The following BABAM2 variants were observed in gnomAD, a reference collection of about 807,000 sequenced individuals.
BABAM2 encodes BRISC and BRCA1 A complex member 2, also known as BRISC and BRCA1-A complex member 2.
Under a neutral mutation model 54.7 loss-of-function variants are expected in BABAM2, and 31 were observed. The ratio of observed to expected loss-of-function variants is 0.57; its 90% CI spans 0.43 to 0.77. The LOEUF (loss-of-function observed/expected upper bound fraction) is 0.77, where lower values mean the gene tolerates loss of function less well. BABAM2 is among the 30% of genes least tolerant of loss of function. The probability of loss-of-function intolerance (pLI) is 0.00; values close to 1 mark genes in which losing one functional copy is unlikely to be tolerated. For missense variants in BABAM2, 364 were observed against 455.8 expected, an observed-to-expected ratio of 0.80 and a Z score of 1.83; for synonymous variants, 167 against 162.9, an observed-to-expected ratio of 1.03 and a Z score of -0.19.
At chr2:28,090,633 G>A (rs558306482) in intron 6 of BABAM2, among the ~76,000 whole-genome samples, 1 of 152,258 alleles carries the variant, frequency 6.6e-6, no homozygotes, top group South Asian at 2.1e-4. Flanking sequence ...ACATAGGTAT[G>A]CTTCTAGCTT....
At chr2:28,026,119 T>A (rs1212456708) in intron 5 of BABAM2, among the ~76,000 whole-genome samples, 1 of 152,130 alleles carries the variant, frequency 6.6e-6, no homozygotes, top group African/African-American at 2.4e-5. Context: ...TAGGAATGCT[T>A]TTACACTGTT....
In BABAM2 at chr2:28,322,483, C is replaced by T. The variant is rs1690103323; in HGVS notation, c.1089-15967C>T. Among the ~76,000 whole-genome samples the T allele has an allele frequency of 6.6e-6, 1 of 152,248 alleles. No individual in the cohort carries two copies. Among genetic ancestry groups the T allele is most frequent in the East Asian group, 1.9e-4 (1 of 5,204 alleles). ...TAGAGGCGCCTTTGAGCAACGCGCTCTCAAGGTGTTCCAGCAGGGTGAGGA... is the reference window on the plus strand; with the variant it reads ...TAGAGGCGCCTTTGAGCAACGCGCTTTCAAGGTGTTCCAGCAGGGTGAGGA... On this transcript the variant is annotated intron_variant, in intron 11 of 11. Coordinates refer to ENST00000379624, the MANE Select transcript of BABAM2 (RefSeq NM_199191.3). The surrounding 1 kb of genome is among the most constrained non-coding windows in gnomAD (Gnocchi z 4.1).
At chr2:28,222,815 A>G (rs991907056) in intron 7 of BABAM2, among the ~76,000 whole-genome samples, 5 of 152,176 alleles carry the variant, frequency 3.3e-5, no homozygotes, top group Admixed American at 2.6e-4. Flanking sequence ...ACTGGTTTAA[A>G]GAAAGCAAAC....
At chr2:28,327,177 G>A (rs149559960) in intron 11 of BABAM2, 57 of 1,294,460 alleles carry the variant, frequency 4.4e-5, no homozygotes, top group Non-Finnish European at 5.4e-5. Flanking sequence ...TCCCATGGCC[G>A]GTGGAGGCTC....
chr2:27,900,492 G>A (rs1665696502), intron 2 of BABAM2, among the ~76,000 whole-genome samples: 1 of 151,822 alleles, frequency 6.6e-6, no homozygotes, highest in South Asian at 2.1e-4. Flanking sequence ...GTATCTTAAG[G>A]GCCAAGTTCT....
rs1688387747 is a variant in BABAM2, at chr2:28,304,845, GTGCTAGGATTACAGGCATGA to G, written c.1088+6355_1088+6374del. 6.7e-6 allele frequency among the ~76,000 whole-genome samples: 1 copy of G among 149,558 alleles called. No homozygotes were observed. Among genetic ancestry groups the G allele is most frequent in the Non-Finnish European group, 1.5e-5 (1 of 66,174 alleles). On this transcript the variant is annotated intron_variant, in intron 11 of 11. Transcript: ENST00000379624. The surrounding 1 kb of genome is among the most constrained non-coding windows in gnomAD (Gnocchi z 4.0). ...AATCCACCTGCCTTGGCCTCCCAAA[GTGCTAGGATTACAGGCATGA>G]CGGGATTTCACCATGTGGCCCAGGC... is the stretch of plus-strand genomic sequence containing the variant.
intron 2 of BABAM2, chr2:27,896,584 GGT>G (rs776956529): frequency 6.5e-6 from 1 of 153,094 alleles, no homozygotes. Context: ...TGGTTGGGCT[GGT>G]TCCAGGTGGG....
intron 8 of BABAM2, among the ~76,000 whole-genome samples, chr2:28,240,661 G>A (rs1235849566): frequency 6.6e-6 from 1 of 152,074 alleles, no homozygotes; most frequent in Non-Finnish European, 1.5e-5. Context: ...TCTGAAGTCA[G>A]GAGTTCGAGA....
chr2:27,898,170 T>C (rs866634687), intron 2 of BABAM2, among the ~76,000 whole-genome samples: 3 of 152,246 alleles, frequency 2.0e-5, no homozygotes, highest in African/African-American at 7.2e-5. Context: ...TCTTTATGTC[T>C]GCATTGTGCT....
At chr2:27,973,352 G>T (rs1421732011) in intron 3 of BABAM2, among the ~76,000 whole-genome samples, 1 of 151,926 alleles carries the variant, frequency 6.6e-6, no homozygotes, top group Non-Finnish European at 1.5e-5. Flanking sequence ...CTATGCACTG[G>T]GCAAGGACAG....
chr2:28,142,856 A>G (rs971782985), intron 7 of BABAM2, among the ~76,000 whole-genome samples: 1 of 152,156 alleles, frequency 6.6e-6, no homozygotes, highest in African/African-American at 2.4e-5. Context: ...AAAACAGATT[A>G]TGGAGCATGA....
At chr2:27,937,725 A>G (rs952874770) in intron 3 of BABAM2, among the ~76,000 whole-genome samples, 1 of 152,172 alleles carries the variant, frequency 6.6e-6, no homozygotes, top group African/African-American at 2.4e-5. Context: ...TGTTAGATGT[A>G]TAATTTGCAA....
intron 3 of BABAM2, among the ~76,000 whole-genome samples, chr2:27,931,367 A>T (rs1209378702): frequency 6.6e-6 from 1 of 152,192 alleles, no homozygotes; most frequent in Non-Finnish European, 1.5e-5. Context: ...TCACTTGCAG[A>T]TTCTAAAAAT....
chr2:28,243,843 A>T (rs529923653), intron 9 of BABAM2, among the ~76,000 whole-genome samples: 42 of 152,204 alleles, frequency 2.8e-4, no homozygotes, highest in Non-Finnish European at 5.1e-4. Flanking sequence ...AAGGGGTATA[A>T]CTGTTCCTTC....
intron 7 of BABAM2, among the ~76,000 whole-genome samples, chr2:28,170,554 A>G (rs1386621588): frequency 6.6e-6 from 1 of 152,116 alleles, no homozygotes; most frequent in Non-Finnish European, 1.5e-5. Flanking sequence ...GAAAATAAAG[A>G]AAAATTAAAT....
chr2:28,037,933 G>A (rs186890558), intron 5 of BABAM2, among the ~76,000 whole-genome samples: 4 of 152,266 alleles, frequency 2.6e-5, no homozygotes, highest in African/African-American at 7.2e-5. Context: ...GTATCAAAAT[G>A]TTTAATATAT....
intron 7 of BABAM2, among the ~76,000 whole-genome samples, chr2:28,184,263 CCTCTCTCT>C (rs757881813): frequency 1.7e-5 from 1 of 59,372 alleles, no homozygotes; most frequent in African/African-American, 6.4e-5. Context: ...TCCCTCCCTC[CCTCTCTCT>C]CTCTCTCTCT....
intron 11 of BABAM2, among the ~76,000 whole-genome samples, chr2:28,333,263 TCAA>T (rs1453575635): frequency 3.9e-5 from 6 of 152,112 alleles, no homozygotes; most frequent in Admixed American, 3.3e-4. Context: ...GCCCTCATGA[TCAA>T]CGAGTAAGGA....
chr2:27,971,218 T>C (rs1241104358), intron 3 of BABAM2, among the ~76,000 whole-genome samples: 1 of 152,132 alleles, frequency 6.6e-6, no homozygotes, highest in Non-Finnish European at 1.5e-5. Flanking sequence ...TACTACAAGC[T>C]TTATTGGGGC....
Sources: allele counts gnomAD v4.1 joint callset (sites outside exome capture counted in the v4.1 genomes callset), GRCh38; gene constraint gnomAD v4.1.1; non-coding constraint Gnocchi (gnomAD v3.1); transcripts MANE v1.5; gene names NCBI Gene and HGNC (gene_info 2026-07-23, HGNC 2026-07-21).